CHM: variants seen among roughly 807,000 people sequenced by gnomAD.
CHM encodes the protein rab proteins geranylgeranyltransferase component A 1.
CHM carries 10 observed loss-of-function variants against 49.0 expected under a neutral mutation model. The ratio of observed to expected loss-of-function variants is 0.20; its 90% CI spans 0.13 to 0.35. CHM has a LOEUF of 0.35. CHM is among the 10% of genes least tolerant of loss of function. CHM has a pLI of 1.00. For missense variants in CHM, 455 were observed against 478.4 expected, an observed-to-expected ratio of 0.95 and a Z score of 0.46; for synonymous variants, 184 against 167.5, an observed-to-expected ratio of 1.10 and a Z score of -0.76.
intron 4 of CHM, among the ~76,000 whole-genome samples, chrX:85,967,404 A>G (rs1200948651): frequency 8.9e-6 from 1 of 112,298 alleles, no homozygotes; most frequent in Non-Finnish European, 1.9e-5. Context: ...TAGCTGCATT[A>G]TAAGCCTTCA....
chrX:85,942,439 G>A (rs1929165436), intron 8 of CHM, among the ~76,000 whole-genome samples: 1 of 111,220 alleles, frequency 9.0e-6, no homozygotes, highest in African/African-American at 3.3e-5. Context: ...ATGGATGCCT[G>A]TGAAATGTGA....
chrX:85,971,119 A>G, intron 4 of CHM: 1 of 696,567 alleles, frequency 1.4e-6, no homozygotes, highest in Non-Finnish European at 1.7e-6. Flanking sequence ...TATTTATATT[A>G]GAATACATAT....
Position 86,000,565 on chromosome X carries a change from C to T in CHM, c.117-18756G>A, listed in dbSNP as rs185743450. Among the ~76,000 whole-genome samples the T allele has an allele frequency of 4.6e-3, 474 of 102,505 alleles. 4 individuals carry two copies. Among genetic ancestry groups the T allele is most frequent in the African/African-American group, 0.016 (453 of 28,298 alleles). 89.0% of individuals were successfully genotyped at this position (102,505 alleles called of 115,157 possible). A position where few individuals can be genotyped will look rare whatever the true frequency, so the allele number is the denominator to read the frequency against. On this transcript the variant is annotated intron_variant, in intron 2 of 14. Coordinates refer to ENST00000357749, the MANE Select transcript of CHM (RefSeq NM_000390.4). ...ATCAGTATATCAAAGAACTGCAGCA[C>T]TACTCACAACAGCGAAGATATGGAA...
rs113661244 is a variant in CHM, at chrX:85,920,696, G to A, written c.1167-9358C>T. ...TCACAGATTTGGAAACTGAGGAAGA[G>A]GTCAAGTGACTTGCTTGAGGTCATT... On this transcript the variant is annotated intron_variant, in intron 8 of 14. Transcript: ENST00000357749. Among the ~76,000 whole-genome samples, 1,091 of 112,077 alleles carry A rather than the reference G, an allele frequency of 9.7e-3. 12 individuals carry two copies. Among genetic ancestry groups the A allele is most frequent in the African/African-American group, 0.033 (1,013 of 30,845 alleles).
intron 1 of CHM, among the ~76,000 whole-genome samples, chrX:86,035,618 T>A (rs2147802043): frequency 9.0e-6 from 1 of 110,650 alleles, no homozygotes; most frequent in East Asian, 2.8e-4. Context: ...GTTAAGCACA[T>A]GTTAAACAAA....
chrX:85,942,764 T>A (rs1271459960), intron 8 of CHM, among the ~76,000 whole-genome samples: 20 of 109,829 alleles, frequency 1.8e-4, no homozygotes, highest in Non-Finnish European at 3.0e-4. Context: ...TCTTTTTTTT[T>A]TTTATATATA....
Position 85,873,272 on chromosome X carries a change from C to T in CHM, c.1610-60G>A, listed in dbSNP as rs1235414159. 2.7e-5 allele frequency: 23 copies of T among 850,045 alleles called. No homozygotes were observed. In the African/African-American group the frequency reaches 4.0e-4, roughly 15 times the overall value. The allele number at this position is 850,045 out of a possible 1,213,427, so 70.1% of individuals were successfully genotyped here. Reference sequence around the variant, plus strand: ...AATACAATATGTTTGTCAATTACTACACTGTGTAGCCTATTACCGATTAAG... The same window carrying T: ...AATACAATATGTTTGTCAATTACTATACTGTGTAGCCTATTACCGATTAAG... On this transcript the variant is annotated intron_variant, in intron 13 of 14. Coordinates refer to ENST00000357749, the MANE Select transcript of CHM (RefSeq NM_000390.4).
At chrX:85,939,176 T>A (rs762638201) in intron 8 of CHM, among the ~76,000 whole-genome samples, 14 of 112,082 alleles carry the variant, frequency 1.2e-4, no homozygotes, top group Admixed American at 3.8e-4. Flanking sequence ...GAACACTTTA[T>A]GATGTTTGCA....
rs994588928 is a variant in CHM, at chrX:85,862,024, C to T, written c.*2606G>A. ...AAAGCTCTAAGAATAATTTCTGTTA[C>T]ATTTTGAGGCAACAGGAAATATATA... On this transcript the variant is annotated 3_prime_UTR_variant, in exon 15 of 15. Transcript: ENST00000357749. The T allele has an allele frequency of 4.5e-5, 5 of 112,009 alleles. No individual in the cohort carries two copies. The highest frequency in any genetic ancestry group is 1.3e-4 in the African/African-American group (4 of 30,900). The allele number at this position is 112,009 out of a possible 1,213,427, so 9.2% of individuals were successfully genotyped here. A position where few individuals can be genotyped will look rare whatever the true frequency, so the allele number is the denominator to read the frequency against.
At chrX:86,011,361 TG>T (rs1933065859) in intron 2 of CHM, among the ~76,000 whole-genome samples, 1 of 111,275 alleles carries the variant, frequency 9.0e-6, no homozygotes, top group Non-Finnish European at 1.9e-5. Flanking sequence ...TCACGTACAA[TG>T]GGGACCAGCA....
At chrX:86,011,225 A>T (rs1183943726) in intron 2 of CHM, among the ~76,000 whole-genome samples, 1 of 111,601 alleles carries the variant, frequency 9.0e-6, no homozygotes, top group Admixed American at 9.6e-5. Flanking sequence ...GAAAAATGTT[A>T]TATTACAAAA....
intron 9 of CHM, among the ~76,000 whole-genome samples, chrX:85,908,249 G>T: frequency 9.0e-6 from 1 of 111,599 alleles, no homozygotes; most frequent in Admixed American, 9.5e-5. Context: ...ACAATGTCAA[G>T]GTTTTTCCCT....
At chrX:85,954,825 G>A (rs550379192) in intron 8 of CHM, among the ~76,000 whole-genome samples, 4 of 107,908 alleles carry the variant, frequency 3.7e-5, no homozygotes, top group South Asian at 8.3e-4. Context: ...CTGGGTGGCA[G>A]AGGTTGCAGT....
At chrX:85,979,016 C>A in intron 3 of CHM, 125 bp from the exon 4 acceptor site, 1 of 692,113 alleles carries the variant, frequency 1.4e-6, no homozygotes, top group Non-Finnish European at 2.1e-6. Context: ...CAAAGGATAT[C>A]ACCTCAGAGT....
At chrX:85,879,531 G>A (rs1050557854) in intron 12 of CHM, among the ~76,000 whole-genome samples, 2 of 111,586 alleles carry the variant, frequency 1.8e-5, no homozygotes, top group African/African-American at 3.3e-5. Context: ...CACATAAAAC[G>A]GCATAGGTTA....
chrX:86,004,271 A>T (rs1932806290), intron 2 of CHM, among the ~76,000 whole-genome samples: 1 of 111,985 alleles, frequency 8.9e-6, no homozygotes, highest in South Asian at 3.7e-4. Context: ...AGCACTAAAC[A>T]TGGAAAGAAA....
At chrX:86,027,630 C>T (rs1156243903) in intron 1 of CHM, 73 bp from the exon 2 acceptor site, 1 of 872,137 alleles carries the variant, frequency 1.1e-6, no homozygotes, top group African/African-American at 2.0e-5. Flanking sequence ...TCAATACATG[C>T]CATTGCTGTA....
At chrX:85,981,502 G>C (rs1444347299) in intron 3 of CHM, among the ~76,000 whole-genome samples, 2 of 110,395 alleles carry the variant, frequency 1.8e-5, no homozygotes, top group Non-Finnish European at 3.8e-5. Context: ...CCAAAGCGCT[G>C]GAATTACAGG....
intron 2 of CHM, among the ~76,000 whole-genome samples, chrX:85,989,392 A>G (rs989204886): frequency 8.9e-6 from 1 of 112,119 alleles, no homozygotes; most frequent in African/African-American, 3.2e-5. Context: ...AAACTATTAA[A>G]TTGTTGGAAG....
Sources: allele counts gnomAD v4.1 joint callset (sites outside exome capture counted in the v4.1 genomes callset), GRCh38; gene constraint gnomAD v4.1.1; transcripts MANE v1.5; gene names NCBI Gene and HGNC (gene_info 2026-07-23, HGNC 2026-07-21).